PLCD1: variants seen among roughly 807,000 people sequenced by gnomAD.
PLCD1 encodes 1-phosphatidylinositol 4,5-bisphosphate phosphodiesterase delta-1.
PLCD1 carries 71 observed loss-of-function variants against 87.4 expected under a neutral mutation model. That is an observed-to-expected ratio of 0.81 (90% CI 0.67 to 0.99). The LOEUF is 0.99. Among genes scored for constraint, PLCD1 ranks in the 50% least tolerant of loss-of-function variants. The pLI is 0.00. For synonymous variants in PLCD1, 348 were observed against 399.2 expected, an observed-to-expected ratio of 0.87 and a Z score of 1.53; for missense variants, 867 against 1,001.5, an observed-to-expected ratio of 0.87 and a Z score of 1.81.
intron 1 of PLCD1, among the ~76,000 whole-genome samples, chr3:38,022,667 G>A (rs540751185): frequency 2.6e-5 from 4 of 152,258 alleles, no homozygotes; most frequent in African/African-American, 7.2e-5. Context: ...TCTAAAAGGT[G>A]GACATCAGTT....
At chr3:38,009,214 C>G in intron 10 of PLCD1, 56 bp from the exon 11 acceptor site, 1 of 1,613,084 alleles carries the variant, frequency 6.2e-7, no homozygotes, top group Non-Finnish European at 8.5e-7. Flanking sequence ...GGCCCAAGCC[C>G]TGCCCTGCCA....
intron 9 of PLCD1, 81 bp downstream of exon 9, chr3:38,009,572 G>A (rs1024888027): frequency 1.3e-6 from 2 of 1,580,282 alleles, no homozygotes; most frequent in Non-Finnish European, 1.7e-6. Context: ...CAGCCACAGA[G>A]AACTGAGACA....
rs745426030 is a variant in PLCD1, at chr3:38,029,543, C to T, written c.-4G>A. 1 of 1,537,434 alleles carries T rather than the reference C, an allele frequency of 6.5e-7. No individual in the cohort carries two copies. Among genetic ancestry groups the T allele is most frequent in the Non-Finnish European group, 8.7e-7 (1 of 1,146,242 alleles). Reference sequence around the variant, plus strand: ...GGAAGTCCCGGCCCGAGTCCATGCCCGACGGGCGGCGCGGCGGGAGGGGCA... The same window carrying T: ...GGAAGTCCCGGCCCGAGTCCATGCCTGACGGGCGGCGCGGCGGGAGGGGCA... On this transcript the variant is annotated 5_prime_UTR_variant, in exon 1 of 15. Transcript: ENST00000334661.
Position 38,009,053 on chromosome 3 carries a change from C to T in PLCD1, c.1712G>A (p.Gly571Asp). The part of the protein sequence containing the change: ...NYSPVEMWNG[G>D]CQIVALNFQT... ...CAGCCAGCCCATACCGATCTGGCAGCCCCCATTCCACATCTCCACGGGGCT... is the reference window on the plus strand; with the variant it reads ...CAGCCAGCCCATACCGATCTGGCAGTCCCCATTCCACATCTCCACGGGGCT... The change falls in exon 11 of 15, where the codon GGC becomes GAC. Residue 571 changes from glycine to aspartate, a missense_variant. Coordinates refer to ENST00000334661, the MANE Select transcript of PLCD1 (RefSeq NM_006225.4). 2 of 1,612,320 alleles carry T rather than the reference C, an allele frequency of 1.2e-6. No individual in the cohort carries two copies. Among genetic ancestry groups the T allele is most frequent in the Non-Finnish European group, 1.7e-6 (2 of 1,179,232 alleles).
Position 38,009,560 on chromosome 3 carries a change from G to A in PLCD1, c.1446+93C>T, listed in dbSNP as rs983063592. On this transcript the variant is annotated intron_variant, in intron 9 of 14. Coordinates refer to ENST00000334661, the MANE Select transcript of PLCD1 (RefSeq NM_006225.4). ...AGAGAGCGGGGCAGAGGGTCTGAGT[G>A]GCAGCCACAGAGAACTGAGACAAGG... 7 of 1,563,362 alleles carry A rather than the reference G, an allele frequency of 4.5e-6. No individual in the cohort carries two copies. The African/African-American group carries it at 8.1e-5, about 18-fold the overall frequency.
chr3:38,020,081 C>G, intron 2 of PLCD1, 107 bp downstream of exon 2: 1 of 1,047,634 alleles, frequency 9.5e-7, no homozygotes, highest in East Asian at 2.4e-5. Context: ...CAGGCCAGGC[C>G]TCAGTTTCCC....
chr3:38,014,056 T>A (rs956948495), intron 3 of PLCD1, among the ~76,000 whole-genome samples: 1 of 152,080 alleles, frequency 6.6e-6, no homozygotes, highest in African/African-American at 2.4e-5. Flanking sequence ...AAGGCACTGT[T>A]GAAAAAAAAT....
Position 38,020,343 on chromosome 3 carries a change from T to C in PLCD1, c.44A>G (p.Asp15Gly), listed in dbSNP as rs751832142. The C allele has an allele frequency of 2.5e-6, 4 of 1,614,022 alleles. No homozygotes were observed. The highest frequency in any genetic ancestry group is 1.1e-5 in the South Asian group (1 of 91,088). ...CAGCAGCGCCTGTAGATCCTCATCA[T>C]CCTGTAGGCCTGGGGATCAAAGCCA... Reference protein sequence around the residue: ...RDFLTLHGLQDDEDLQALLKG... With the variant: ...RDFLTLHGLQGDEDLQALLKG... The change falls in exon 2 of 15, where the codon GAT becomes GGT. Residue 15 changes from aspartate (D) to glycine (G), a missense_variant. By Grantham distance (94) the Asp-to-Gly change is moderately conservative (BLOSUM62 -1). Transcript: ENST00000334661.
At position 38,009,909 on chromosome 3, in the gene PLCD1, G is replaced by C; in HGVS notation, c.1282C>G (p.Pro428Ala). 1 of 1,606,080 alleles carries C rather than the reference G, an allele frequency of 6.2e-7. No homozygotes were observed. The highest frequency in any genetic ancestry group is 8.5e-7 in the Non-Finnish European group (1 of 1,176,174). The change falls in exon 8 of 15, where the codon CCT (proline) becomes GCT (alanine). Residue 428 changes from proline to alanine, a missense_variant. Physicochemically the swap from Pro to Ala is conservative, Grantham distance 27 (BLOSUM62 -1). Coordinates refer to ENST00000334661, the MANE Select transcript of PLCD1 (RefSeq NM_006225.4). ...LDGVTNSLPS[P>A]EQLKGKILLK... ...CCCCCATCCCCACCACACACCTCAG[G>C]GGAGGGCAGGCTGTTGGTGACCCCA...
At chr3:38,029,394 G>C (rs2125553596) in intron 1 of PLCD1, 112 bp downstream of exon 1, 1 of 928,588 alleles carries the variant, frequency 1.1e-6, no homozygotes, top group African/African-American at 1.6e-5. Context: ...GGCGGGCCCG[G>C]GGTGGTGTGG....
intron 1 of PLCD1, among the ~76,000 whole-genome samples, chr3:38,027,420 C>G (rs1700320831): frequency 2.0e-5 from 3 of 152,222 alleles, no homozygotes; most frequent in Admixed American, 2.0e-4. Flanking sequence ...TATTATCCCC[C>G]ATTTTACAGA....
intron 3 of PLCD1, among the ~76,000 whole-genome samples, chr3:38,013,501 C>T (rs1328403655): frequency 1.3e-5 from 2 of 152,268 alleles, no homozygotes; most frequent in African/African-American, 4.8e-5. Context: ...GCGTGAGCCA[C>T]TGCGCCCCGC....
At chr3:38,022,819 C>T (rs539378176) in intron 1 of PLCD1, among the ~76,000 whole-genome samples, 54 of 152,124 alleles carry the variant, frequency 3.5e-4, no homozygotes, top group Admixed American at 9.2e-4. Flanking sequence ...CACCCTTGCT[C>T]CCTTAGCACC....
At position 38,016,664 on chromosome 3, in the gene PLCD1, C is replaced by T. The variant is rs1272293284; in HGVS notation, c.255G>A (p.Glu85=). 4 of 1,590,224 alleles carry T rather than the reference C, an allele frequency of 2.5e-6. No individual in the cohort carries two copies. In the South Asian group the frequency reaches 4.5e-5, roughly 18 times the overall value. ...CCTCGGGCACATCACGGGCGAACTT[C>T]TCCAGACCCTCCGTGCGGTGCCCCA... The part of the protein sequence containing the change: ...VRMGHRTEGL[E]KFARDVPEDR... Residue 85 remains glutamate (E), a synonymous_variant, in exon 3 of 15, where the codon GAG becomes GAA. Transcript: ENST00000334661.
chr3:38,016,843 C>T, intron 2 of PLCD1, 124 bp from the exon 3 acceptor site: 1 of 752,620 alleles, frequency 1.3e-6, no homozygotes, highest in South Asian at 1.5e-5. Flanking sequence ...AGGGCCGGAG[C>T]TCAGGCCTTG....
chr3:38,007,928 TGC>T, intron 14 of PLCD1, 70 bp from the exon 15 acceptor site: 1 of 1,605,124 alleles, frequency 6.2e-7, no homozygotes, highest in Non-Finnish European at 8.5e-7. Flanking sequence ...GGGGGGTGGA[TGC>T]GTCAAGGGAC....
chr3:38,009,940 T>A lies in PLCD1; in HGVS notation c.1251A>T (p.Pro417=). 1 of 1,612,700 alleles carries A rather than the reference T, an allele frequency of 6.2e-7. No homozygotes were observed. Among genetic ancestry groups the A allele is most frequent in the Non-Finnish European group, 8.5e-7 (1 of 1,179,196 alleles). The change falls in exon 8 of 15, where the codon CCA becomes CCT. Residue 417 remains proline, a synonymous_variant. Transcript: ENST00000334661. ...AILGPMLLNR[P]LDGVTNSLPS... The stretch of plus-strand genomic sequence containing the variant: ...GCAGGCTGTTGGTGACCCCATCCAG[T>A]GGTCGGTTCAACAGCATGGGGCCCA...
chr3:38,011,579 G>C lies in PLCD1; in HGVS notation c.523C>G (p.Gln175Glu). ...LQNFLKELNI[Q>E]VDDSYARKIF... is the part of the protein sequence containing the mutation. ...TTCCGGGCATAGCTGTCGTCCACCT[G>C]GATGTTGAGCTCCTTCAGGAAGTTC... The change falls in exon 4 of 15, where the codon CAG becomes GAG. Residue 175 changes from glutamine to glutamate, a missense_variant. Coordinates refer to ENST00000334661, the MANE Select transcript of PLCD1 (RefSeq NM_006225.4). 1 of 1,614,204 alleles carries C rather than the reference G, an allele frequency of 6.2e-7. No homozygotes were observed. The highest frequency in any genetic ancestry group is 1.1e-5 in the South Asian group (1 of 91,086).
At position 38,018,292 on chromosome 3, in the gene PLCD1, G is replaced by A. The variant is rs1343437337; in HGVS notation, c.200-1573C>T. 1.3e-5 allele frequency among the ~76,000 whole-genome samples: 2 copies of A among 152,160 alleles called. No homozygotes were observed. The highest frequency in any genetic ancestry group is 1.9e-4 in the East Asian group (1 of 5,192). Reference sequence around the variant, plus strand: ...CAGGCTCAGCACGAGACCCGTCTCAGGCGTCTGACCAGCAGAAAGCCCCCT... The same window carrying A: ...CAGGCTCAGCACGAGACCCGTCTCAAGCGTCTGACCAGCAGAAAGCCCCCT... On this transcript the variant is annotated intron_variant, in intron 2 of 14. Transcript: ENST00000334661. The surrounding 1 kb of genome is among the most constrained non-coding windows in gnomAD (Gnocchi z 5.7).
Sources: allele counts gnomAD v4.1 joint callset (sites outside exome capture counted in the v4.1 genomes callset), GRCh38; gene constraint gnomAD v4.1.1; non-coding constraint Gnocchi (gnomAD v3.1); transcripts MANE v1.5; gene names NCBI Gene and HGNC (gene_info 2026-07-23, HGNC 2026-07-21).